WDR36: variants seen among roughly 807,000 people sequenced by gnomAD.
WDR36 encodes the protein WD repeat domain 36.
WDR36 carries 63 observed loss-of-function variants against 112.7 expected under a neutral mutation model. That is an observed-to-expected ratio of 0.56 (90% CI 0.46 to 0.69). The LOEUF is 0.69. WDR36 is among the 30% of genes least tolerant of loss of function. The probability of loss-of-function intolerance (pLI) is 0.00; values close to 1 mark genes in which losing one functional copy is unlikely to be tolerated. For missense variants in WDR36, 1,226 were observed against 1,070.3 expected (o/e 1.15, Z -2.03); for synonymous variants, 410 against 362.2 (o/e 1.13, Z -1.50).
chr5:111,129,038 ATAT>A lies in WDR36; in HGVS notation c.*2160_*2162del. Reference sequence around the variant, plus strand: ...TTACGATTTTTACATACGTGTATGTATATTATTGTACAACTTGCTATTTCTACT... The same window carrying A: ...TTACGATTTTTACATACGTGTATGTATATTGTACAACTTGCTATTTCTACT... On this transcript the variant is annotated 3_prime_UTR_variant, in exon 23 of 23. Transcript: ENST00000513710. The A allele has an allele frequency of 5.1e-6, 1 of 195,956 alleles. No homozygotes were observed. Among genetic ancestry groups the A allele is most frequent in the Non-Finnish European group, 1.1e-5 (1 of 94,176 alleles). 12.1% of individuals were successfully genotyped at this position (195,956 alleles called of 1,614,324 possible). A position where few individuals can be genotyped will look rare whatever the true frequency, so the allele number is the denominator to read the frequency against.
intron 12 of WDR36, 40 bp downstream of exon 12, chr5:111,107,479 C>G: frequency 6.2e-7 from 1 of 1,603,874 alleles, no homozygotes. Context: ...CTCTTTAAAA[C>G]TTTCCTATGG....
chr5:111,092,586 A>C lies in WDR36; in HGVS notation c.130A>C (p.Thr44Pro). The change falls in exon 1 of 23, where the codon ACC (threonine) becomes CCC (proline). Residue 44 changes from threonine (T) to proline (P), a missense_variant. By Grantham distance (38) the Thr-to-Pro change is conservative (BLOSUM62 -1). Coordinates refer to ENST00000513710, the MANE Select transcript of WDR36 (RefSeq NM_139281.3). ...GCTCAAGCGCCGGTTCTATGTAACA[A>C]CCTGCGTGGGCAAGAGTTTCCACAC... Reference protein sequence around the residue: ...SALKRRFYVTTCVGKSFHTYD... With the variant: ...SALKRRFYVTPCVGKSFHTYD... 1.2e-6 allele frequency: 2 copies of C among 1,614,046 alleles called. No individual in the cohort carries two copies. The highest frequency in any genetic ancestry group is 1.7e-6 in the Non-Finnish European group (2 of 1,180,016).
At chr5:111,094,650 G>C (rs1426388931) in intron 1 of WDR36, among the ~76,000 whole-genome samples, 1 of 152,176 alleles carries the variant, frequency 6.6e-6, no homozygotes, top group Admixed American at 6.5e-5. Context: ...GTTGGCAACA[G>C]AGACCACATG....
chr5:111,123,979 TC>T (rs1314320879), intron 20 of WDR36, 55 bp downstream of exon 20: 1 of 1,611,058 alleles, frequency 6.2e-7, no homozygotes. Flanking sequence ...GTATGTGTTT[TC>T]TGCACTTCTT....
chr5:111,115,563 G>A (rs1181429690), intron 16 of WDR36, among the ~76,000 whole-genome samples: 1 of 151,926 alleles, frequency 6.6e-6, no homozygotes, highest in African/African-American at 2.4e-5. Context: ...CTTGTTTTAA[G>A]TATGAACTGA....
chr5:111,118,082 A>G (rs1466177850), intron 16 of WDR36, among the ~76,000 whole-genome samples: 3 of 152,186 alleles, frequency 2.0e-5, no homozygotes, highest in Non-Finnish European at 1.5e-5. Flanking sequence ...TTATGCCACT[A>G]TCTCCTCTTA....
chr5:111,099,479 T>G (rs1753074205), intron 4 of WDR36, among the ~76,000 whole-genome samples: 3 of 148,690 alleles, frequency 2.0e-5, no homozygotes, highest in African/African-American at 7.4e-5. Context: ...TTTTTTTTTT[T>G]TTTTTCAGTA....
chr5:111,119,102 A>G lies in WDR36; in HGVS notation c.1886A>G (p.His629Arg), dbSNP rs1753516033. The G allele has an allele frequency of 6.2e-7, 1 of 1,612,666 alleles. No individual in the cohort carries two copies. Among genetic ancestry groups the G allele is most frequent in the African/African-American group, 1.3e-5 (1 of 74,868 alleles). ...TTTCTGGCAACTTCCCATGTGGACCACCTTGGAATTTATCTATGGTAAGTT... is the reference window on the plus strand; with the variant it reads ...TTTCTGGCAACTTCCCATGTGGACCGCCTTGGAATTTATCTATGGTAAGTT... Reference protein sequence around the residue: ...GDFLATSHVDHLGIYLWSNIS... With the variant: ...GDFLATSHVDRLGIYLWSNIS... Residue 629 changes from histidine (H) to arginine (R), a missense_variant, in exon 17 of 23, where the codon CAC becomes CGC. Coordinates refer to ENST00000513710, the MANE Select transcript of WDR36 (RefSeq NM_139281.3).
Position 111,104,785 on chromosome 5 carries a change from A to G in WDR36, c.995A>G (p.Tyr332Cys), listed in dbSNP as rs779920145. Residue 332 changes from tyrosine to cysteine, a missense_variant, in exon 9 of 23, where the codon TAT becomes TGT. Tyr to Cys is a radical substitution (Grantham distance 194). Transcript: ENST00000513710. ...HSAPLTNIRY[Y>C]GQNGQQILSA... is the part of the protein sequence containing the mutation. The stretch of plus-strand genomic sequence containing the variant: ...GCTCCTCTTACCAATATCAGATATT[A>G]TGGACAGAATGGACAGCAGATTCTA... The G allele has an allele frequency of 2.5e-6, 4 of 1,611,110 alleles. No individual in the cohort carries two copies. The highest frequency in any genetic ancestry group is 2.2e-5 in the South Asian group (2 of 91,064).
intron 2 of WDR36, among the ~76,000 whole-genome samples, chr5:111,096,392 T>A (rs535396787): frequency 6.6e-6 from 1 of 152,302 alleles, no homozygotes; most frequent in Admixed American, 6.5e-5. Flanking sequence ...GAGTTATTAG[T>A]GAACTTGATG....
intron 6 of WDR36, among the ~76,000 whole-genome samples, chr5:111,102,892 A>G (rs907053675): frequency 2.6e-5 from 4 of 151,720 alleles, no homozygotes; most frequent in Admixed American, 6.6e-5. Flanking sequence ...ATGCATGTCT[A>G]CAGCGAATCT....
intron 17 of WDR36, among the ~76,000 whole-genome samples, chr5:111,119,642 C>T (rs1158122382): frequency 1.3e-5 from 2 of 151,982 alleles, no homozygotes; most frequent in East Asian, 1.9e-4. Flanking sequence ...TAGAACATCA[C>T]CTGGGTTTAG....
intron 12 of WDR36, among the ~76,000 whole-genome samples, chr5:111,108,757 G>A (rs1168952863): frequency 6.6e-6 from 1 of 151,280 alleles, no homozygotes; most frequent in African/African-American, 2.4e-5. Context: ...TGAGCAACAT[G>A]CCTAAGATCA....
chr5:111,113,759 G>C (rs1753397007), intron 16 of WDR36, among the ~76,000 whole-genome samples: 1 of 152,100 alleles, frequency 6.6e-6, no homozygotes, highest in Admixed American at 6.6e-5. Context: ...ACTCTGAAGA[G>C]TCCCAAGGTG....
chr5:111,108,248 T>TTTTTG (rs539198959), intron 12 of WDR36, among the ~76,000 whole-genome samples: 5 of 151,160 alleles, frequency 3.3e-5, no homozygotes, highest in East Asian at 3.9e-4. Context: ...TTTTGTTTTG[T>TTTTTG]TTTTGTTTTG....
rs747776754 is a variant in WDR36, at chr5:111,123,819, A to G, written c.2163A>G (p.Pro721=). 2 of 1,613,792 alleles carry G rather than the reference A, an allele frequency of 1.2e-6. No individual in the cohort carries two copies. The highest frequency in any genetic ancestry group is 2.2e-5 in the South Asian group (2 of 91,080). The change falls in exon 20 of 23, where the codon CCA becomes CCG. Residue 721 remains proline (P), a synonymous_variant. Coordinates refer to ENST00000513710, the MANE Select transcript of WDR36 (RefSeq NM_139281.3). Reference sequence around the variant, plus strand: ...CTCTTAATCAGAAAAAGAATAAACCAAAGGAACCACCCAAAGTACCCAAAT... The same window carrying G: ...CTCTTAATCAGAAAAAGAATAAACCGAAGGAACCACCCAAAGTACCCAAAT... ...NLDVIKKKNK[P]KEPPKVPKSA...
chr5:111,121,739 GT>G (rs1753571096), intron 19 of WDR36, among the ~76,000 whole-genome samples: 1 of 152,064 alleles, frequency 6.6e-6, no homozygotes, highest in Non-Finnish European at 1.5e-5. Context: ...GACAACTATG[GT>G]ATAGATTAGT....
rs1753702317 is a variant in WDR36, at chr5:111,127,764, C to T, written c.*881C>T. The T allele has an allele frequency of 9.5e-6, 2 of 210,856 alleles. No homozygotes were observed. Among genetic ancestry groups the T allele is most frequent in the East Asian group, 7.1e-5 (1 of 14,090 alleles). The allele number at this position is 210,856 out of a possible 1,614,324, so 13.1% of individuals were successfully genotyped here. A position where few individuals can be genotyped will look rare whatever the true frequency, so the allele number is the denominator to read the frequency against. On this transcript the variant is annotated 3_prime_UTR_variant, in exon 23 of 23. Coordinates refer to ENST00000513710, the MANE Select transcript of WDR36 (RefSeq NM_139281.3). ...AATTCCATTGGAAGATGGCCTTTTACTGACACTGCAGACATGTAGATAACA... is the reference window on the plus strand; with the variant it reads ...AATTCCATTGGAAGATGGCCTTTTATTGACACTGCAGACATGTAGATAACA...
intron 5 of WDR36, among the ~76,000 whole-genome samples, chr5:111,101,725 T>A (rs900756391): frequency 6.6e-6 from 1 of 151,868 alleles, no homozygotes; most frequent in African/African-American, 2.4e-5. Context: ...AAAGGTTTGA[T>A]GTTTTAAATC....
Sources: gnomAD v4.1 joint callset for allele counts (sites outside exome capture counted in the v4.1 genomes callset) on GRCh38, gnomAD v4.1.1 for gene constraint, MANE v1.5 for transcripts, NCBI Gene and HGNC (gene_info 2026-07-23, HGNC 2026-07-21) for gene names.